Variants in BAIAP2L1 observed in about 807,000 individuals in gnomAD.
BAIAP2L1 encodes BAR/IMD domain-containing adapter protein 2-like 1.
In BAIAP2L1, 35 loss-of-function variants were observed where a neutral mutation model predicts 66.3. The observed-to-expected ratio is 0.53, with a 90% CI of 0.40 to 0.70. The LOEUF (loss-of-function observed/expected upper bound fraction) is 0.70, where lower values mean the gene tolerates loss of function less well. Ranked by LOEUF, BAIAP2L1 falls within the 30% of genes least tolerant of loss-of-function variation. The pLI, the probability that BAIAP2L1 is intolerant of heterozygous loss-of-function variation, is 0.00. For synonymous variants in BAIAP2L1, 269 were observed against 248.7 expected (o/e 1.08, Z -0.77); for missense variants, 622 against 656.9 (o/e 0.95, Z 0.58).
chr7:98,399,672 TAGC>T (rs549048472), intron 1 of BAIAP2L1, among the ~76,000 whole-genome samples: 82 of 152,346 alleles, frequency 5.4e-4, no homozygotes, highest in African/African-American at 1.6e-3. Context: ...GTTCTATTAA[TAGC>T]AGATGATTAA....
At chr7:98,385,733 T>TG in intron 1 of BAIAP2L1, 1 of 1,278,260 alleles carries the variant, frequency 7.8e-7, no homozygotes, top group Middle Eastern at 2.0e-4. Context: ...CATTTCTTTT[T>TG]TTTGTTGTTT....
chr7:98,398,487 AG>A (rs1584513406), intron 1 of BAIAP2L1, among the ~76,000 whole-genome samples: 1 of 151,418 alleles, frequency 6.6e-6, no homozygotes, highest in African/African-American at 2.4e-5. Flanking sequence ...AAAAAAAAAA[AG>A]GTCCCAAAAC....
At chr7:98,353,797 T>C (rs144567208) in intron 3 of BAIAP2L1, among the ~76,000 whole-genome samples, 2 of 149,130 alleles carry the variant, frequency 1.3e-5, no homozygotes, top group Non-Finnish European at 1.5e-5. Flanking sequence ...CCGTCTCTAC[T>C]AAAAATACAA....
chr7:98,339,692 C>T (rs563638999), intron 3 of BAIAP2L1, among the ~76,000 whole-genome samples: 2 of 152,332 alleles, frequency 1.3e-5, no homozygotes, highest in South Asian at 2.1e-4. Context: ...GCTACCTGTG[C>T]GTGTGACCGC....
intron 3 of BAIAP2L1, among the ~76,000 whole-genome samples, chr7:98,353,101 G>A (rs1802035357): frequency 1.3e-5 from 2 of 151,814 alleles, no homozygotes; most frequent in South Asian, 4.1e-4. Flanking sequence ...TTAGAACAGA[G>A]TTACTACAGT....
At chr7:98,397,134 T>C (rs1430608106) in intron 1 of BAIAP2L1, among the ~76,000 whole-genome samples, 3 of 151,930 alleles carry the variant, frequency 2.0e-5, no homozygotes, top group Non-Finnish European at 2.9e-5. Context: ...GGGAAGGTAA[T>C]GTAGTCTAAG....
rs1296772338 is a variant in BAIAP2L1 at position 98,317,193 on chromosome 7, A to C, written c.486+26T>G. The C allele has an allele frequency of 5.0e-6, 8 of 1,613,906 alleles. No individual in the cohort carries two copies. The East Asian group carries it at 1.8e-4, about 36-fold the overall frequency. ...TGTGCAAATTGTCAACAACAAAAGA[A>C]AACAAGATATTGTTGAAAAGCTCAC... On this transcript the variant is annotated intron_variant, in intron 6 of 13. Coordinates refer to ENST00000005260, the MANE Select transcript of BAIAP2L1 (RefSeq NM_018842.5).
chr7:98,318,228 C>G (rs1195302002), intron 5 of BAIAP2L1, among the ~76,000 whole-genome samples: 1 of 152,228 alleles, frequency 6.6e-6, no homozygotes, highest in East Asian at 1.9e-4. Context: ...AGGACATCTT[C>G]TCTTTCTTTT....
chr7:98,315,632 A>AATAATG lies in BAIAP2L1; in HGVS notation c.487-21_487-20insCATTAT. ...CACATACTAAAAAAAAAAAAATAAT[A>AATAATG]ATAATAATAATTATATAAGCATGAC... On this transcript the variant is annotated intron_variant, in intron 6 of 13. Transcript: ENST00000005260. 2 of 1,105,086 alleles carry AATAATG rather than the reference A, an allele frequency of 1.8e-6. No homozygotes were observed. The highest frequency in any genetic ancestry group is 2.4e-6 in the Non-Finnish European group (2 of 844,322). 68.5% of individuals were successfully genotyped at this position (1,105,086 alleles called of 1,614,324 possible).
intron 10 of BAIAP2L1, 33 bp downstream of exon 10, chr7:98,307,656 G>T: frequency 6.2e-7 from 1 of 1,610,618 alleles, no homozygotes; most frequent in Non-Finnish European, 8.5e-7. Context: ...GGGCCGTCTG[G>T]TGCCCTGCGG....
chr7:98,400,028 CTTTCT>C (rs373204429), intron 1 of BAIAP2L1: 2 of 151,876 alleles, frequency 1.3e-5, no homozygotes, highest in Non-Finnish European at 2.9e-5. Context: ...TTCTTGGGCG[CTTTCT>C]TTTCTTAGAG....
At chr7:98,354,563 CCT>C (rs1047944905) in intron 3 of BAIAP2L1, among the ~76,000 whole-genome samples, 2 of 152,172 alleles carry the variant, frequency 1.3e-5, no homozygotes, top group African/African-American at 4.8e-5. Context: ...GTGTAACCGC[CCT>C]CTCTGCCTGC....
intron 1 of BAIAP2L1, among the ~76,000 whole-genome samples, chr7:98,395,436 C>CAAAA (rs36036652): frequency 2.5e-5 from 3 of 121,208 alleles, no homozygotes; most frequent in African/African-American, 9.6e-5. Context: ...AAGACTGTCT[C>CAAAA]AAAAAAAAAA....
intron 9 of BAIAP2L1, 190 bp from the exon 10 acceptor site, chr7:98,308,086 G>A (rs1344875501): frequency 1.4e-6 from 1 of 705,866 alleles, no homozygotes; most frequent in Non-Finnish European, 2.6e-6. Context: ...GAGAAACAGA[G>A]GCAGCGTGCA....
At chr7:98,330,452 G>A (rs1017844584) in intron 3 of BAIAP2L1, among the ~76,000 whole-genome samples, 1 of 152,094 alleles carries the variant, frequency 6.6e-6, no homozygotes, top group African/African-American at 2.4e-5. Context: ...GAGGTCAGGA[G>A]TTCTAGACCA....
intron 12 of BAIAP2L1, among the ~76,000 whole-genome samples, chr7:98,299,856 C>A (rs1800349541): frequency 6.6e-6 from 1 of 151,922 alleles, no homozygotes; most frequent in Admixed American, 6.6e-5. Flanking sequence ...GCCTGGCCAA[C>A]ATGGTGAAAC....
At chr7:98,328,357 T>G (rs1322001175) in intron 3 of BAIAP2L1, among the ~76,000 whole-genome samples, 1 of 152,150 alleles carries the variant, frequency 6.6e-6, no homozygotes, top group Non-Finnish European at 1.5e-5. Flanking sequence ...CGCAGGAAGA[T>G]GCAATGACAT....
At chr7:98,363,424 T>A (rs1242198203) in intron 1 of BAIAP2L1, among the ~76,000 whole-genome samples, 1 of 152,176 alleles carries the variant, frequency 6.6e-6, no homozygotes. Flanking sequence ...AGCTAAGGAT[T>A]AGAAGGCACA....
chr7:98,362,436 C>T lies in BAIAP2L1; in HGVS notation c.52-4G>A. 1 of 1,591,040 alleles carries T rather than the reference C, an allele frequency of 6.3e-7. No individual in the cohort carries two copies. The highest frequency in any genetic ancestry group is 1.2e-5 in the South Asian group (1 of 85,844). The stretch of plus-strand genomic sequence containing the variant: ...GATTGAACTGTTCCATAACATTCTG[C>T]CAAACAAACAAAACACACAAATTAA... On this transcript the variant is annotated splice_region_variant and splice_polypyrimidine_tract_variant and intron_variant, in intron 1 of 13. Transcript: ENST00000005260.
Sources: gnomAD v4.1 joint callset for allele counts (sites outside exome capture counted in the v4.1 genomes callset) on GRCh38, gnomAD v4.1.1 for gene constraint, MANE v1.5 for transcripts, NCBI Gene and HGNC (gene_info 2026-07-23, HGNC 2026-07-21) for gene names.